Variants in GRM7 observed in about 807,000 individuals in gnomAD.
GRM7 encodes the protein metabotropic glutamate receptor 7.
GRM7 carries 35 observed loss-of-function variants against 84.5 expected under a neutral mutation model. The observed-to-expected ratio is 0.41, with a 90% CI of 0.32 to 0.55. The LOEUF (loss-of-function observed/expected upper bound fraction) is 0.55. Ranked by LOEUF, GRM7 falls within the 20% of genes least tolerant of loss-of-function variation. The probability of loss-of-function intolerance (pLI) is 0.19; values close to 1 mark genes in which losing one functional copy is unlikely to be tolerated. For synonymous variants in GRM7, 487 were observed against 455.1 expected, an observed-to-expected ratio of 1.07 and a Z score of -0.89; for missense variants, 1,003 against 1,194.6, an observed-to-expected ratio of 0.84 and a Z score of 2.36.
chr3:7,397,464 A>T (rs1191773617), intron 4 of GRM7, among the ~76,000 whole-genome samples: 2 of 152,212 alleles, frequency 1.3e-5, no homozygotes, highest in African/African-American at 2.4e-5. Context: ...AATACAAATA[A>T]AATGAATAAG....
chr3:6,983,081 T>A (rs976402567), intron 1 of GRM7, among the ~76,000 whole-genome samples: 7 of 152,228 alleles, frequency 4.6e-5, no homozygotes, highest in Admixed American at 4.6e-4. Flanking sequence ...ATTATAAAAT[T>A]GTCTCTGCTT....
intron 8 of GRM7, among the ~76,000 whole-genome samples, chr3:7,610,575 A>G (rs1489200505): frequency 1.3e-5 from 2 of 152,166 alleles, no homozygotes; most frequent in Non-Finnish European, 2.9e-5. Flanking sequence ...TTAGTTTTCC[A>G]TGGATAATTC....
chr3:7,216,224 A>G (rs1377856981), intron 2 of GRM7, among the ~76,000 whole-genome samples: 1 of 152,132 alleles, frequency 6.6e-6, no homozygotes, highest in Non-Finnish European at 1.5e-5. Flanking sequence ...TATTTTTGGA[A>G]TTTAGAAGCT....
At chr3:7,693,825 C>G in intron 9 of GRM7, 2 of 546,248 alleles carry the variant, frequency 3.7e-6, no homozygotes, top group East Asian at 5.6e-5. Context: ...CACATGCCAG[C>G]AACATCCTCT....
chr3:7,091,374 T>G (rs977893291), intron 1 of GRM7, among the ~76,000 whole-genome samples: 6 of 152,178 alleles, frequency 3.9e-5, no homozygotes, highest in African/African-American at 1.2e-4. Flanking sequence ...AGACATCATT[T>G]CTACCATTTG....
chr3:7,268,411 G>T (rs532460423), intron 2 of GRM7, among the ~76,000 whole-genome samples: 1 of 151,994 alleles, frequency 6.6e-6, no homozygotes, highest in Non-Finnish European at 1.5e-5. Context: ...AGCCATGATT[G>T]AGCCACTGCA....
rs116309235 is a variant in GRM7, at chr3:7,074,504, C to T, written c.520-71948C>T. Among the ~76,000 whole-genome samples, 442 of 152,104 alleles carry T rather than the reference C, an allele frequency of 2.9e-3. 1 individual carries two copies. The highest frequency in any genetic ancestry group is 0.01 in the Middle Eastern group (3 of 294). On this transcript the variant is annotated intron_variant, in intron 1 of 9. Coordinates refer to ENST00000357716, the MANE Select transcript of GRM7 (RefSeq NM_000844.4). ...GTGAATTATTTATGTTACTGTTCTG[C>T]GACATTATAAATACAAAATCTAAGA...
chr3:6,936,300 C>G (rs1425941012), intron 1 of GRM7, among the ~76,000 whole-genome samples: 1 of 152,178 alleles, frequency 6.6e-6, no homozygotes, highest in Admixed American at 6.5e-5. Flanking sequence ...TGGTAAGACA[C>G]CTCCCCATAA....
intron 8 of GRM7, among the ~76,000 whole-genome samples, chr3:7,635,704 T>C (rs1346228250): frequency 1.3e-5 from 2 of 152,182 alleles, no homozygotes; most frequent in Non-Finnish European, 2.9e-5. Context: ...GACAAGGTCT[T>C]GCTGTGTTGC....
chr3:7,170,917 C>T (rs1474985428), intron 2 of GRM7, among the ~76,000 whole-genome samples: 2 of 152,146 alleles, frequency 1.3e-5, no homozygotes, highest in Admixed American at 6.5e-5. Context: ...GATGTACAGG[C>T]CACCTTTCAA....
intron 1 of GRM7, among the ~76,000 whole-genome samples, chr3:6,900,729 C>T (rs566227129): frequency 3.3e-5 from 5 of 152,266 alleles, no homozygotes; most frequent in Admixed American, 3.3e-4. Flanking sequence ...ATTTGAATGT[C>T]ATTTCAAAAA....
intron 4 of GRM7, among the ~76,000 whole-genome samples, chr3:7,378,104 G>A (rs1031942169): frequency 3.3e-5 from 5 of 152,112 alleles, no homozygotes; most frequent in Admixed American, 2.6e-4. Context: ...TGACTTCAAA[G>A]CTAAGCCACT....
At chr3:7,072,994 A>C (rs1697941511) in intron 1 of GRM7, among the ~76,000 whole-genome samples, 1 of 152,144 alleles carries the variant, frequency 6.6e-6, no homozygotes, top group Admixed American at 6.5e-5. Flanking sequence ...TATGGGTTGA[A>C]AAGTGGAAAT....
intron 5 of GRM7, among the ~76,000 whole-genome samples, chr3:7,447,028 T>A (rs897398700): frequency 2.8e-5 from 4 of 143,426 alleles, no homozygotes; most frequent in African/African-American, 9.9e-5. Flanking sequence ...AGAGTGTGCC[T>A]TTTAAAGATA....
chr3:7,644,901 T>A (rs562064687), intron 8 of GRM7, among the ~76,000 whole-genome samples: 6 of 152,160 alleles, frequency 3.9e-5, no homozygotes, highest in African/African-American at 1.4e-4. Context: ...CTCTGCTTGG[T>A]CCTAGTGGAG....
chr3:7,363,782 C>T (rs1327290105), intron 4 of GRM7, among the ~76,000 whole-genome samples: 3 of 152,088 alleles, frequency 2.0e-5, no homozygotes, highest in East Asian at 3.9e-4. Flanking sequence ...TCGAATTCTA[C>T]ATCTTCAACC....
chr3:7,324,153 C>G (rs1208683280), intron 4 of GRM7, among the ~76,000 whole-genome samples: 2 of 152,150 alleles, frequency 1.3e-5, no homozygotes, highest in African/African-American at 4.8e-5. Flanking sequence ...TGATCCAGAA[C>G]TTCCATTCTC....
At chr3:7,667,237 C>T (rs1699737796) in intron 8 of GRM7, among the ~76,000 whole-genome samples, 1 of 150,164 alleles carries the variant, frequency 6.7e-6, no homozygotes, top group Non-Finnish European at 1.5e-5. Flanking sequence ...CACTGCACTC[C>T]AGCCTGGGTG....
At chr3:7,319,966 A>G (rs988442671) in intron 4 of GRM7, among the ~76,000 whole-genome samples, 5 of 152,084 alleles carry the variant, frequency 3.3e-5, no homozygotes, top group African/African-American at 4.8e-5. Flanking sequence ...AAATATTTCT[A>G]TCACACCAGA....
Sources: allele counts gnomAD v4.1 joint callset (sites outside exome capture counted in the v4.1 genomes callset), GRCh38; gene constraint gnomAD v4.1.1; transcripts MANE v1.5; gene names NCBI Gene and HGNC (gene_info 2026-07-23, HGNC 2026-07-21).